The following LRMDA variants were observed in gnomAD, a reference collection of about 807,000 sequenced individuals.
The protein encoded by LRMDA is leucine rich melanocyte differentiation associated.
In LRMDA, 18 loss-of-function variants were observed where a neutral mutation model predicts 29.8. The ratio of observed to expected loss-of-function variants is 0.60; its 90% confidence interval spans 0.42 to 0.90. LRMDA has a LOEUF of 0.90. LRMDA is among the 40% of genes least tolerant of loss of function. LRMDA has a pLI of 0.00. For synonymous variants in LRMDA, 125 were observed against 109.4 expected (o/e 1.14, Z -0.89); for missense variants, 273 against 273.9 (o/e 1.00, Z 0.02).
chr10:76,168,910 T>C (rs1293519838), intron 5 of LRMDA, among the ~76,000 whole-genome samples: 1 of 152,146 alleles, frequency 6.6e-6, no homozygotes, highest in African/African-American at 2.4e-5. Flanking sequence ...TTGAAGCCAA[T>C]AAGTAAGACA....
At chr10:76,271,623 C>G (rs1453917061) in intron 5 of LRMDA, among the ~76,000 whole-genome samples, 1 of 151,924 alleles carries the variant, frequency 6.6e-6, no homozygotes, top group African/African-American at 2.4e-5. Context: ...TCATTTTGGC[C>G]AGAAATATAG....
rs566533119 is a variant in LRMDA at position 76,179,793 on chromosome 10, A to C, written c.516+121010A>C. ...GTAGTGAGTCCACTGCCTTGGAAGAACCAACTGTCCCTCAAAAAAGAGGAC... is the reference window on the plus strand; with the variant it reads ...GTAGTGAGTCCACTGCCTTGGAAGACCCAACTGTCCCTCAAAAAAGAGGAC... On this transcript the variant is annotated intron_variant, in intron 5 of 6. Coordinates refer to ENST00000611255, the MANE Select transcript of LRMDA (RefSeq NM_001305581.2). Among the ~76,000 whole-genome samples, 3 of 152,272 alleles carry C rather than the reference A, an allele frequency of 2.0e-5. No homozygotes were observed. In the East Asian group the frequency reaches 5.8e-4, roughly 29 times the overall value.
chr10:76,398,064 G>A (rs1185727906), intron 6 of LRMDA, among the ~76,000 whole-genome samples: 1 of 152,182 alleles, frequency 6.6e-6, no homozygotes, highest in African/African-American at 2.4e-5. Flanking sequence ...TTGCCAGTAT[G>A]TTTTCAGCTG....
intron 2 of LRMDA, among the ~76,000 whole-genome samples, chr10:76,011,647 T>A (rs1029531544): frequency 2.0e-5 from 3 of 152,196 alleles, no homozygotes; most frequent in Admixed American, 6.5e-5. Context: ...TCCTTAAGAT[T>A]AACGCCTCCG....
intron 2 of LRMDA, among the ~76,000 whole-genome samples, chr10:75,514,274 C>A (rs1350599986): frequency 6.6e-6 from 1 of 151,288 alleles, no homozygotes; most frequent in African/African-American, 2.4e-5. Flanking sequence ...TCCCCCTCCT[C>A]CTTCTTCCTT....
intron 2 of LRMDA, among the ~76,000 whole-genome samples, chr10:75,595,329 G>A (rs1264343204): frequency 6.6e-6 from 1 of 151,402 alleles, no homozygotes; most frequent in African/African-American, 2.5e-5. Flanking sequence ...ATAATAACAA[G>A]AATGTTACCA....
chr10:76,161,806 G>A (rs906950980), intron 5 of LRMDA, among the ~76,000 whole-genome samples: 2 of 152,118 alleles, frequency 1.3e-5, no homozygotes, highest in African/African-American at 4.8e-5. Flanking sequence ...ACCAAAAGAA[G>A]GGCTGTTGTT....
At chr10:76,335,011 A>G (rs1011052231) in intron 6 of LRMDA, among the ~76,000 whole-genome samples, 2 of 152,210 alleles carry the variant, frequency 1.3e-5, no homozygotes, top group African/African-American at 4.8e-5. Flanking sequence ...GTGGCCTTGG[A>G]TGAAGGTGAG....
chr10:75,888,688 A>G (rs1432507400), intron 2 of LRMDA, among the ~76,000 whole-genome samples: 1 of 152,202 alleles, frequency 6.6e-6, no homozygotes. Flanking sequence ...CCACTTGATT[A>G]TTCTTAATTA....
At chr10:75,970,009 A>G (rs1287261357) in intron 2 of LRMDA, among the ~76,000 whole-genome samples, 3 of 152,226 alleles carry the variant, frequency 2.0e-5, no homozygotes, top group Non-Finnish European at 4.4e-5. Flanking sequence ...TCAGGTTGAA[A>G]GATAAAATCA....
At chr10:75,507,124 T>TC (rs1424616138) in intron 2 of LRMDA, among the ~76,000 whole-genome samples, 1 of 151,600 alleles carries the variant, frequency 6.6e-6, no homozygotes, top group African/African-American at 2.4e-5. Context: ...TTTTTTTTTT[T>TC]CCTGGTGACA....
chr10:76,355,737 A>C (rs1841231712), intron 6 of LRMDA, among the ~76,000 whole-genome samples: 1 of 152,166 alleles, frequency 6.6e-6, no homozygotes, highest in South Asian at 2.1e-4. Flanking sequence ...AAGTTGTATG[A>C]AGTGTAAAGA....
intron 2 of LRMDA, among the ~76,000 whole-genome samples, chr10:75,633,677 T>A (rs535631699): frequency 2.6e-5 from 4 of 152,332 alleles, no homozygotes; most frequent in African/African-American, 9.6e-5. Context: ...TGGGAAACTG[T>A]ATCAAAGTGG....
At chr10:75,937,411 G>C (rs1194723394) in intron 2 of LRMDA, among the ~76,000 whole-genome samples, 2 of 152,162 alleles carry the variant, frequency 1.3e-5, no homozygotes, top group East Asian at 3.9e-4. Context: ...GTAGCTTGGG[G>C]GCCTGGCCCT....
At chr10:76,294,564 A>G (rs1280002481) in intron 5 of LRMDA, among the ~76,000 whole-genome samples, 1 of 152,174 alleles carries the variant, frequency 6.6e-6, no homozygotes, top group East Asian at 1.9e-4. Context: ...GGAGCTGGAA[A>G]AAGGCCTTTT....
chr10:76,132,292 T>C (rs544085870), intron 5 of LRMDA, among the ~76,000 whole-genome samples: 1 of 152,282 alleles, frequency 6.6e-6, no homozygotes, highest in East Asian at 1.9e-4. Context: ...GCTTGAGAGA[T>C]GTCTGCTTTT....
At chr10:75,925,678 T>TG (rs1846109465) in intron 2 of LRMDA, among the ~76,000 whole-genome samples, 1 of 95,178 alleles carries the variant, frequency 1.1e-5, no homozygotes, top group African/African-American at 4.0e-5. Context: ...TTTCTTTTTT[T>TG]TTTTTGGAGA....
At position 76,392,000 on chromosome 10, in the gene LRMDA, T is replaced by C. The variant is rs749919237; in HGVS notation, c.601+67515T>C. ...ACCCATTGTCTGGGCTACCAAACTT[T>C]AGTCTTATGTTGGAATAGTGTCTGA... is the stretch of plus-strand genomic sequence containing the variant. On this transcript the variant is annotated intron_variant, in intron 6 of 6. Coordinates refer to ENST00000611255, the MANE Select transcript of LRMDA (RefSeq NM_001305581.2). Among the ~76,000 whole-genome samples the C allele has an allele frequency of 7.2e-5, 11 of 152,212 alleles. 1 individual carries two copies. The highest frequency in any genetic ancestry group is 2.6e-4 in the Admixed American group (4 of 15,274).
intron 2 of LRMDA, among the ~76,000 whole-genome samples, chr10:75,690,391 A>G (rs900254036): frequency 1.3e-5 from 2 of 152,080 alleles, no homozygotes; most frequent in African/African-American, 2.4e-5. Context: ...TGCAGCCTCA[A>G]ACTCTTGGGC....
Sources: gnomAD v4.1 joint callset for allele counts (sites outside exome capture counted in the v4.1 genomes callset) on GRCh38, gnomAD v4.1.1 for gene constraint, MANE v1.5 for transcripts, NCBI Gene and HGNC (gene_info 2026-07-23, HGNC 2026-07-21) for gene names.